The following KDM4C variants were observed in gnomAD, a reference collection of about 807,000 sequenced individuals.
KDM4C encodes the protein lysine demethylase 4C, also known as lysine-specific demethylase 4C.
KDM4C carries 81 observed loss-of-function variants against 129.3 expected under a neutral mutation model. That is an observed-to-expected ratio of 0.63 (90% CI 0.52 to 0.75). KDM4C has a LOEUF of 0.75. Ranked by LOEUF, KDM4C falls within the 30% of genes least tolerant of loss-of-function variation. The probability of loss-of-function intolerance (pLI) is 0.00; values close to 1 mark genes in which losing one functional copy is unlikely to be tolerated. For synonymous variants in KDM4C, 573 were observed against 456.1 expected (o/e 1.26, Z -3.26); for missense variants, 1,457 against 1,304.0 (o/e 1.12, Z -1.81).
At chr9:6,992,033 A>G (rs1023920806) in intron 12 of KDM4C, among the ~76,000 whole-genome samples, 2 of 147,808 alleles carry the variant, frequency 1.4e-5, no homozygotes, top group Admixed American at 1.4e-4. Flanking sequence ...TTTTTTTGCT[A>G]CTTTATTATA....
chr9:6,821,953 C>T (rs1236930440), intron 4 of KDM4C, among the ~76,000 whole-genome samples: 1 of 152,118 alleles, frequency 6.6e-6, no homozygotes, highest in Non-Finnish European at 1.5e-5. Flanking sequence ...TTTTATTCTG[C>T]TGCTGCTTTC....
chr9:6,826,880 A>G (rs553393965), intron 4 of KDM4C, among the ~76,000 whole-genome samples: 1 of 151,982 alleles, frequency 6.6e-6, no homozygotes, highest in South Asian at 2.1e-4. Flanking sequence ...AAAAAAAAAA[A>G]GAAAATGTAT....
intron 15 of KDM4C, among the ~76,000 whole-genome samples, chr9:7,039,147 G>A (rs1275697909): frequency 6.6e-6 from 1 of 151,812 alleles, no homozygotes; most frequent in African/African-American, 2.4e-5. Flanking sequence ...TTATAGGTCT[G>A]TTCTGTTTTT....
chr9:6,987,909 C>T (rs1288603626), intron 11 of KDM4C, among the ~76,000 whole-genome samples: 1 of 151,786 alleles, frequency 6.6e-6, no homozygotes, highest in South Asian at 2.1e-4. Flanking sequence ...GTAATCCCTG[C>T]ACTTTGAGAG....
chr9:7,059,979 A>G (rs965554779), intron 17 of KDM4C, among the ~76,000 whole-genome samples: 4 of 152,164 alleles, frequency 2.6e-5, no homozygotes, highest in African/African-American at 7.2e-5. Flanking sequence ...TTAAGAGTAT[A>G]AAAGAGTCCG....
In KDM4C at chr9:6,957,409, T is replaced by A. The variant is rs560686055; in HGVS notation, c.922-23516T>A. ...AGGGTTTTTGGCATTCGCTTTCCAT[T>A]GAAACTCTCTTATGGGACCCTGTTC... On this transcript the variant is annotated intron_variant, in intron 8 of 21. Coordinates refer to ENST00000381309, the MANE Select transcript of KDM4C (RefSeq NM_015061.6). Among the ~76,000 whole-genome samples the A allele has an allele frequency of 7.9e-5, 12 of 152,342 alleles. No homozygotes were observed. The East Asian group carries it at 2.3e-3, about 29-fold the overall frequency.
intron 17 of KDM4C, among the ~76,000 whole-genome samples, chr9:7,052,152 TTTTCTTTTTTCAAATCCAAA>T (rs1204451573): frequency 6.6e-6 from 1 of 152,228 alleles, no homozygotes; most frequent in Non-Finnish European, 1.5e-5. Flanking sequence ...ACCTGGATTT[TTTTCTTTTTTCAAATCCAAA>T]TTTCTTTTTT....
chr9:6,914,891 G>A (rs1820024234), intron 8 of KDM4C, among the ~76,000 whole-genome samples: 1 of 152,218 alleles, frequency 6.6e-6, no homozygotes, highest in Non-Finnish European at 1.5e-5. Flanking sequence ...ACTGTGAACA[G>A]TAAATTTCTA....
intron 1 of KDM4C, among the ~76,000 whole-genome samples, chr9:6,750,565 G>A (rs765868963): frequency 4.6e-5 from 7 of 152,158 alleles, no homozygotes; most frequent in African/African-American, 9.7e-5. Flanking sequence ...GCACATCATA[G>A]GTTTCCAAAA....
In KDM4C at chr9:6,949,279, T is replaced by A. The variant is rs186217435; in HGVS notation, c.922-31646T>A. ...CGGCCGGGCAGAGGCGCTCCTCACA[T>A]CCCAGATGATGGGTGGCCGGGCAGA... is the stretch of plus-strand genomic sequence containing the variant. On this transcript the variant is annotated intron_variant, in intron 8 of 21. Coordinates refer to ENST00000381309, the MANE Select transcript of KDM4C (RefSeq NM_015061.6). Among the ~76,000 whole-genome samples the A allele has an allele frequency of 2.3e-3, 336 of 146,436 alleles. 2 individuals are homozygous for A. Among genetic ancestry groups the A allele is most frequent in the Non-Finnish European group, 3.8e-3 (254 of 66,932 alleles).
At chr9:7,049,889 A>G (rs117275847) in intron 17 of KDM4C, among the ~76,000 whole-genome samples, 3,214 of 152,254 alleles carry the variant, frequency 0.021, 49 homozygotes, top group Non-Finnish European at 0.033. Context: ...AACTTTCCCC[A>G]AAGTTCAACT....
intron 1 of KDM4C, among the ~76,000 whole-genome samples, chr9:6,732,598 C>T (rs1027163629): frequency 6.6e-6 from 1 of 152,030 alleles, no homozygotes; most frequent in Non-Finnish European, 1.5e-5. Flanking sequence ...ATTGTTCATG[C>T]AGGGGAAGAG....
intron 1 of KDM4C, among the ~76,000 whole-genome samples, chr9:6,730,996 GT>G (rs1817313543): frequency 6.6e-6 from 1 of 152,166 alleles, no homozygotes; most frequent in South Asian, 2.1e-4. Flanking sequence ...GAAGTACAGA[GT>G]CCTTCTCAGG....
At chr9:6,864,338 C>G (rs1841531508) in intron 5 of KDM4C, among the ~76,000 whole-genome samples, 1 of 152,164 alleles carries the variant, frequency 6.6e-6, no homozygotes, top group Non-Finnish European at 1.5e-5. Flanking sequence ...TACTTCTTGG[C>G]CTATATGATT....
intron 8 of KDM4C, among the ~76,000 whole-genome samples, chr9:6,930,903 G>A (rs993700936): frequency 2.0e-5 from 3 of 152,012 alleles, no homozygotes; most frequent in Admixed American, 6.6e-5. Flanking sequence ...CAGGGGCTTG[G>A]TCCCACTCCT....
At chr9:7,166,702 G>T (rs910310001) in intron 20 of KDM4C, among the ~76,000 whole-genome samples, 18 of 152,094 alleles carry the variant, frequency 1.2e-4, no homozygotes, top group African/African-American at 4.3e-4. Context: ...CAAAAGCAAA[G>T]CTTCTTACAT....
intron 8 of KDM4C, among the ~76,000 whole-genome samples, chr9:6,943,672 C>G (rs984110671): frequency 7.5e-6 from 1 of 132,570 alleles, no homozygotes; most frequent in African/African-American, 2.9e-5. Flanking sequence ...GAAATCTTGT[C>G]TCAAAAAAAA....
At chr9:7,076,425 G>A in intron 17 of KDM4C, 2 of 1,542,552 alleles carry the variant, frequency 1.3e-6, no homozygotes, top group Non-Finnish European at 8.8e-7. Context: ...TTTGCATTGT[G>A]TTTTTCAGGG....
At position 6,789,046 on chromosome 9, in the gene KDM4C, G is replaced by T. The variant is rs867609453; in HGVS notation, c.-17-3926G>T. Among the ~76,000 whole-genome samples, 1,312 of 135,142 alleles carry T rather than the reference G, an allele frequency of 9.7e-3. 23 individuals are homozygous for T. Among genetic ancestry groups the T allele is most frequent in the African/African-American group, 0.028 (1,043 of 37,150 alleles). 88.7% of individuals were successfully genotyped at this position (135,142 alleles called of 152,430 possible). A position where few individuals can be genotyped will look rare whatever the true frequency, so the allele number is the denominator to read the frequency against. On this transcript the variant is annotated intron_variant, in intron 1 of 21. Transcript: ENST00000381309. ...AGGTGAGGGCCAGATCCAGATTTTT[G>T]TTTTTTTTTTTTTTTGAAACAGGGT...
Sources: gnomAD v4.1 joint callset for allele counts (sites outside exome capture counted in the v4.1 genomes callset) on GRCh38, gnomAD v4.1.1 for gene constraint, MANE v1.5 for transcripts, NCBI Gene and HGNC (gene_info 2026-07-23, HGNC 2026-07-21) for gene names.